Variants in TRIM36 observed in about 807,000 individuals in gnomAD.
TRIM36 encodes tripartite motif containing 36.
A neutral mutation model predicts 72.4 loss-of-function variants in TRIM36; 42 were observed. The ratio of observed to expected loss-of-function variants is 0.58; its 90% CI spans 0.45 to 0.75. TRIM36 has a LOEUF of 0.75. TRIM36 is among the 30% of genes least tolerant of loss of function. The pLI is 0.00. For missense variants in TRIM36, 913 were observed against 857.1 expected, an observed-to-expected ratio of 1.07 and a Z score of -0.81; for synonymous variants, 315 against 282.8, an observed-to-expected ratio of 1.11 and a Z score of -1.14.
chr5:115,156,692 A>G (rs546406868), intron 2 of TRIM36, among the ~76,000 whole-genome samples: 10 of 152,348 alleles, frequency 6.6e-5, no homozygotes, highest in Middle Eastern at 3.4e-3. Flanking sequence ...ACTTAAACCT[A>G]AGACCTGAAA....
chr5:115,147,459 G>A, intron 2 of TRIM36, 65 bp from the exon 3 acceptor site: 1 of 1,521,920 alleles, frequency 6.6e-7, no homozygotes, highest in Non-Finnish European at 8.9e-7. Flanking sequence ...GAAGAAAAGA[G>A]GAGTCATGTC....
chr5:115,141,436 A>AT (rs942649861), intron 4 of TRIM36, 62 bp from the exon 5 acceptor site: 456 of 1,175,508 alleles, frequency 3.9e-4, no homozygotes, highest in East Asian at 3.7e-3. Flanking sequence ...ACTTTGCAGA[A>AT]TTTTTTTTTA....
rs1461116604 is a variant in TRIM36, at chr5:115,144,595, T to C, written c.735+3A>G. On this transcript the variant is annotated splice_donor_region_variant and intron_variant, in intron 4 of 9. Transcript: ENST00000513154. ...AAAATTCTGTTCCAAAAATAAGTCC[T>C]ACCTTTAAGGTTTTGTAGGCACTGC... The C allele has an allele frequency of 1.9e-6, 3 of 1,612,334 alleles. No individual in the cohort carries two copies. Among genetic ancestry groups the C allele is most frequent in the Non-Finnish European group, 2.5e-6 (3 of 1,179,668 alleles).
At chr5:115,146,586 G>C (rs1753604835) in intron 3 of TRIM36, among the ~76,000 whole-genome samples, 1 of 152,148 alleles carries the variant, frequency 6.6e-6, no homozygotes, top group African/African-American at 2.4e-5. Context: ...TTCTACTCCA[G>C]ATAACATATA....
intron 5 of TRIM36, among the ~76,000 whole-genome samples, chr5:115,138,400 A>G (rs539573393): frequency 4.8e-4 from 73 of 152,258 alleles, no homozygotes; most frequent in African/African-American, 1.6e-3. Flanking sequence ...CGCCTGGCCT[A>G]AAAAAGTTTT....
intron 1 of TRIM36, among the ~76,000 whole-genome samples, chr5:115,166,665 C>CTG (rs908307609): frequency 1.3e-5 from 2 of 152,200 alleles, no homozygotes; most frequent in African/African-American, 4.8e-5. Context: ...ATACACCCTG[C>CTG]TGCTCGCCAT....
rs1329282314 is a variant in TRIM36, at chr5:115,124,950, A to C, written c.*1553T>G. 1 of 152,528 alleles carries C rather than the reference A, an allele frequency of 6.6e-6. No individual in the cohort carries two copies. The highest frequency in any genetic ancestry group is 1.5e-5 in the Non-Finnish European group (1 of 67,946). The allele number at this position is 152,528 out of a possible 1,614,324, so 9.4% of individuals were successfully genotyped here. On this transcript the variant is annotated 3_prime_UTR_variant, in exon 10 of 10. Coordinates refer to ENST00000513154, the MANE Select transcript of TRIM36 (RefSeq NM_001300759.2). ...ACTTTAGCAGCTTTATTGCATAATG[A>C]TCCACATAACGCTGCATTATTTGCT...
At chr5:115,135,213 C>T (rs1216862064) in intron 7 of TRIM36, among the ~76,000 whole-genome samples, 3 of 152,128 alleles carry the variant, frequency 2.0e-5, no homozygotes, top group Non-Finnish European at 2.9e-5. Context: ...GAACAATACG[C>T]TATAAAAGCT....
chr5:115,131,611 C>G (rs1343061719), intron 8 of TRIM36, among the ~76,000 whole-genome samples: 3 of 152,110 alleles, frequency 2.0e-5, no homozygotes, highest in African/African-American at 7.2e-5. Context: ...TATATACATA[C>G]AATGGAATAT....
intron 9 of TRIM36, among the ~76,000 whole-genome samples, chr5:115,128,152 C>T (rs1313404681): frequency 5.4e-5 from 8 of 149,248 alleles, no homozygotes; most frequent in East Asian, 4.0e-4. Context: ...CTGAGGAGGG[C>T]GGATCACCTG....
intron 4 of TRIM36, 35 bp from the exon 5 acceptor site, chr5:115,141,409 A>G (rs1335027141): frequency 1.3e-6 from 2 of 1,490,668 alleles, no homozygotes; most frequent in East Asian, 2.3e-5. Flanking sequence ...AATAGACAAA[A>G]CGGGAGTTTA....
Position 115,163,724 on chromosome 5 carries a change from A to G in TRIM36, c.56T>C (p.Leu19Pro), listed in dbSNP as rs755112868. 1 of 1,614,158 alleles carries G rather than the reference A, an allele frequency of 6.2e-7. No homozygotes were observed. Among genetic ancestry groups the G allele is most frequent in the Non-Finnish European group, 8.5e-7 (1 of 1,180,030 alleles). Reference protein sequence around the residue: ...PVTIKNIERELICPACKELFT... With the variant: ...PVTIKNIEREPICPACKELFT... ...CAGCTCCTTGCATGCTGGGCAAATG[A>G]GCTCCCTTTCGATATTCTTAATGGT... The change falls in exon 2 of 10, where the codon CTC becomes CCC. Residue 19 changes from leucine to proline, a missense_variant. Leu to Pro is a moderately conservative substitution (Grantham distance 98, BLOSUM62 -3). Transcript: ENST00000513154.
At chr5:115,173,473 T>C (rs1374148006), upstream of TRIM36, among the ~76,000 whole-genome samples, 1 of 151,818 alleles carries the variant, frequency 6.6e-6, no homozygotes, top group East Asian at 1.9e-4. Context: ...ACAGGCAGCT[T>C]GGTATTGGAA....
upstream of TRIM36, chr5:115,174,061 C>T (rs1248841504): frequency 2.0e-5 from 3 of 152,204 alleles, no homozygotes; most frequent in African/African-American, 7.2e-5. Flanking sequence ...ATGTTCATTG[C>T]TTGATATTTA....
chr5:115,147,918 A>T (rs1753680850), intron 2 of TRIM36, among the ~76,000 whole-genome samples: 3 of 152,230 alleles, frequency 2.0e-5, no homozygotes, highest in African/African-American at 7.2e-5. Context: ...ATACATATAC[A>T]TATTTACTGG....
intron 1 of TRIM36, chr5:115,177,760 C>A (rs1755403589): frequency 6.2e-7 from 1 of 1,613,958 alleles, no homozygotes; most frequent in African/African-American, 1.3e-5. Flanking sequence ...CTAAGTTCTT[C>A]TTGGGAGAGA....
chr5:115,132,602 G>GT, intron 8 of TRIM36, among the ~76,000 whole-genome samples: 1 of 150,376 alleles, frequency 6.6e-6, no homozygotes, highest in Admixed American at 6.6e-5. Context: ...TTACCCACGT[G>GT]TGAGCTGACC....
intron 8 of TRIM36, among the ~76,000 whole-genome samples, chr5:115,133,594 G>C (rs1443608372): frequency 6.6e-6 from 1 of 152,046 alleles, no homozygotes; most frequent in African/African-American, 2.4e-5. Flanking sequence ...CAACTTACTA[G>C]CTCTGCTCAC....
upstream of TRIM36, chr5:115,174,232 G>C (rs995181477): frequency 6.6e-6 from 1 of 152,134 alleles, no homozygotes; most frequent in Non-Finnish European, 1.5e-5. Flanking sequence ...AGATCAGACA[G>C]GCAGGGTACC....
Sources: gnomAD v4.1 joint callset for allele counts (sites outside exome capture counted in the v4.1 genomes callset) on GRCh38, gnomAD v4.1.1 for gene constraint, MANE v1.5 for transcripts, NCBI Gene and HGNC (gene_info 2026-07-23, HGNC 2026-07-21) for gene names.